Variants in LRRTM4 observed in about 807,000 individuals in gnomAD.
The protein encoded by LRRTM4 is leucine rich repeat transmembrane neuronal 4.
A neutral mutation model predicts 47.6 loss-of-function variants in LRRTM4; 25 were observed. That is an observed-to-expected ratio of 0.53 (90% confidence interval 0.38 to 0.73). The LOEUF (loss-of-function observed/expected upper bound fraction) is 0.73. Ranked by LOEUF, LRRTM4 falls within the 30% of genes least tolerant of loss-of-function variation. The probability of loss-of-function intolerance (pLI) is 0.00; values close to 1 mark genes in which losing one functional copy is unlikely to be tolerated. For synonymous variants in LRRTM4, 311 were observed against 269.5 expected (o/e 1.15, Z -1.51); for missense variants, 638 against 713.4 (o/e 0.89, Z 1.20).
chr2:76,908,425 A>G (rs9752877), intron 3 of LRRTM4, among the ~76,000 whole-genome samples: 29,821 of 150,914 alleles, frequency 0.2, 4,223 homozygotes, highest in East Asian at 0.59. Flanking sequence ...CCCTTTGAAA[A>G]CTGGCACAAG....
chr2:76,877,513 AT>A (rs1173032333), intron 3 of LRRTM4, among the ~76,000 whole-genome samples: 4 of 152,256 alleles, frequency 2.6e-5, no homozygotes, highest in African/African-American at 9.6e-5. Flanking sequence ...GATTATTGGA[AT>A]TTTAAATCAA....
chr2:77,052,174 G>A (rs1339650718), intron 3 of LRRTM4, among the ~76,000 whole-genome samples: 1 of 21,204 alleles, frequency 4.7e-5, no homozygotes, highest in South Asian at 1.4e-3. Flanking sequence ...TTTTTTTTTT[G>A]AGACAGAGTT....
chr2:76,842,911 A>G (rs79535045), intron 3 of LRRTM4, among the ~76,000 whole-genome samples: 2,416 of 152,272 alleles, frequency 0.016, 72 homozygotes, highest in African/African-American at 0.056. Context: ...ATATTAGGAG[A>G]GAATATCTAC....
intron 3 of LRRTM4, among the ~76,000 whole-genome samples, chr2:77,081,869 C>G (rs987994604): frequency 3.3e-5 from 5 of 152,208 alleles, no homozygotes; most frequent in African/African-American, 1.2e-4. Context: ...TAGTGACAGT[C>G]ACAAAATCTA....
chr2:76,900,888 AT>A (rs1273289283), intron 3 of LRRTM4, among the ~76,000 whole-genome samples: 1 of 152,200 alleles, frequency 6.6e-6, no homozygotes, highest in Admixed American at 6.5e-5. Context: ...AATAATGTTG[AT>A]TAGAAGTACC....
chr2:77,155,111 A>C (rs1672524855), intron 3 of LRRTM4, among the ~76,000 whole-genome samples: 1 of 152,284 alleles, frequency 6.6e-6, no homozygotes, highest in East Asian at 1.9e-4. Context: ...AGTTTAAAAA[A>C]ATAAACAGTT....
At chr2:77,436,286 T>G (rs968914351) in intron 3 of LRRTM4, among the ~76,000 whole-genome samples, 8 of 152,068 alleles carry the variant, frequency 5.3e-5, no homozygotes, top group Non-Finnish European at 1.0e-4. Context: ...ATACTAAACA[T>G]GACATATACC....
chr2:77,340,378 A>G (rs1466690724), intron 3 of LRRTM4, among the ~76,000 whole-genome samples: 1 of 151,924 alleles, frequency 6.6e-6, no homozygotes. Flanking sequence ...TAATAATAGA[A>G]TCTGTTCTAT....
At chr2:76,792,042 C>CTTAT (rs1675002946) in intron 3 of LRRTM4, among the ~76,000 whole-genome samples, 1 of 152,194 alleles carries the variant, frequency 6.6e-6, no homozygotes, top group African/African-American at 2.4e-5. Context: ...AAAGTCAGCT[C>CTTAT]TTATTTATCT....
chr2:77,297,339 T>C (rs1275765977), intron 3 of LRRTM4, among the ~76,000 whole-genome samples: 1 of 152,202 alleles, frequency 6.6e-6, no homozygotes, highest in Non-Finnish European at 1.5e-5. Context: ...TTAACTAAAA[T>C]TTAATGAGAC....
chr2:76,946,970 TAC>T (rs1675342680), intron 3 of LRRTM4, among the ~76,000 whole-genome samples: 1 of 151,846 alleles, frequency 6.6e-6, no homozygotes, highest in African/African-American at 2.4e-5. Context: ...TTGAAAACAT[TAC>T]AGTGTAACCA....
intron 3 of LRRTM4, among the ~76,000 whole-genome samples, chr2:76,947,832 G>C (rs1193382171): frequency 6.6e-6 from 1 of 151,672 alleles, no homozygotes; most frequent in Non-Finnish European, 1.5e-5. Flanking sequence ...TGTTTTGAGG[G>C]AATAGGCACA....
chr2:76,850,076 A>T (rs1016990187), intron 3 of LRRTM4, among the ~76,000 whole-genome samples: 3 of 152,032 alleles, frequency 2.0e-5, no homozygotes, highest in African/African-American at 7.2e-5. Context: ...TGAACCCTCT[A>T]CCATTTTAGA....
intron 3 of LRRTM4, among the ~76,000 whole-genome samples, chr2:77,514,628 A>C (rs1192503521): frequency 2.6e-5 from 4 of 152,004 alleles, no homozygotes; most frequent in Non-Finnish European, 5.9e-5. Flanking sequence ...GGATCATTAA[A>C]CTTTATATTT....
intron 3 of LRRTM4, among the ~76,000 whole-genome samples, chr2:77,115,855 G>A (rs1480226783): frequency 6.6e-6 from 1 of 152,066 alleles, no homozygotes; most frequent in Admixed American, 6.5e-5. Context: ...TTCAACATTT[G>A]TGCTTTCCAT....
chr2:76,759,993 G>A (rs1471467870), intron 3 of LRRTM4, among the ~76,000 whole-genome samples: 2 of 152,042 alleles, frequency 1.3e-5, no homozygotes, highest in African/African-American at 4.8e-5. Context: ...TAAGCTTCAC[G>A]ATGTCAGAAA....
At chr2:76,761,267 C>G (rs1249180998) in intron 3 of LRRTM4, among the ~76,000 whole-genome samples, 1 of 152,202 alleles carries the variant, frequency 6.6e-6, no homozygotes, top group Non-Finnish European at 1.5e-5. Flanking sequence ...GTTTTTTGAG[C>G]CTCCAACTAA....
chr2:77,332,847 T>G (rs886131981), intron 3 of LRRTM4, among the ~76,000 whole-genome samples: 1 of 152,154 alleles, frequency 6.6e-6, no homozygotes, highest in Non-Finnish European at 1.5e-5. Context: ...TTTTGGAAGC[T>G]CTCACCTCAC....
chr2:77,062,836 T>A (rs1463345912), intron 3 of LRRTM4, among the ~76,000 whole-genome samples: 1 of 152,214 alleles, frequency 6.6e-6, no homozygotes, highest in Non-Finnish European at 1.5e-5. Context: ...GCAGTACAGA[T>A]GCAGGATAGT....
Sources: allele counts gnomAD v4.1 joint callset (sites outside exome capture counted in the v4.1 genomes callset), GRCh38; gene constraint gnomAD v4.1.1; transcripts MANE v1.5; gene names NCBI Gene and HGNC (gene_info 2026-07-23, HGNC 2026-07-21).